Variants in HEATR1 observed in about 807,000 individuals in gnomAD.
HEATR1 encodes the protein HEAT repeat containing 1, also known as HEAT repeat-containing protein 1.
A neutral mutation model predicts 248.2 loss-of-function variants in HEATR1; 77 were observed. That is an observed-to-expected ratio of 0.31 (90% CI 0.26 to 0.37). HEATR1 has a LOEUF of 0.37. Ranked by LOEUF, HEATR1 falls within the 10% of genes least tolerant of loss-of-function variation. The probability of loss-of-function intolerance (pLI) is 1.00; values close to 1 mark genes in which losing one functional copy is unlikely to be tolerated. For missense variants in HEATR1, 2,420 were observed against 2,504.9 expected, an observed-to-expected ratio of 0.97 and a Z score of 0.72; for synonymous variants, 897 against 923.1, an observed-to-expected ratio of 0.97 and a Z score of 0.51.
At chr1:236,564,470 T>C (rs776759800) in intron 32 of HEATR1, 28 bp downstream of exon 32, 1 of 1,603,710 alleles carries the variant, frequency 6.2e-7, no homozygotes, top group Non-Finnish European at 8.5e-7. Context: ...GAATACCTTT[T>C]TATAAACACA....
intron 3 of HEATR1, 123 bp downstream of exon 3, chr1:236,603,037 C>T: frequency 3.0e-6 from 2 of 663,576 alleles, no homozygotes; most frequent in Non-Finnish European, 5.3e-6. Context: ...ACACAATGGA[C>T]ATTGTATCAA....
chr1:236,568,169 C>T (rs978053350), intron 29 of HEATR1, among the ~76,000 whole-genome samples: 1 of 152,226 alleles, frequency 6.6e-6, no homozygotes, highest in Non-Finnish European at 1.5e-5. Flanking sequence ...GGTACAAATT[C>T]TATTTCTTAT....
chr1:236,559,910 C>T, intron 33 of HEATR1, 73 bp from the exon 34 acceptor site: 1 of 1,409,568 alleles, frequency 7.1e-7, no homozygotes, highest in South Asian at 1.5e-5. Flanking sequence ...CTACCTTATG[C>T]TAAATGTTTC....
At chr1:236,588,810 A>G (rs1045508843) in intron 12 of HEATR1, among the ~76,000 whole-genome samples, 1 of 152,186 alleles carries the variant, frequency 6.6e-6, no homozygotes, top group African/African-American at 2.4e-5. Flanking sequence ...AAATTCACAG[A>G]ATTCACAAAA....
intron 3 of HEATR1, chr1:236,602,773 A>T: frequency 1.1e-5 from 2 of 179,154 alleles, no homozygotes; most frequent in South Asian, 2.3e-4. Context: ...AAAACACAAA[A>T]CTCATCCAGG....
rs780058062 is a variant in HEATR1 at position 236,603,344 on chromosome 1, C to T, written c.175G>A (p.Asp59Asn). 15 of 1,614,054 alleles carry T rather than the reference C, an allele frequency of 9.3e-6. No homozygotes were observed. The highest frequency in any genetic ancestry group is 1.3e-5 in the Non-Finnish European group (15 of 1,180,014). Residue 59 changes from aspartate (D) to asparagine (N), a missense_variant, in exon 3 of 45, where the codon GAT becomes AAT. Coordinates refer to ENST00000366582, the MANE Select transcript of HEATR1 (RefSeq NM_018072.6). ...CTGLEELLGI[D>N]PSFEQFEAPL... ...GCTTCAAACTGCTCAAAGGAAGGATCAATTCCAAGCAACTCTTCCAGGCCA... is the reference window on the plus strand; with the variant it reads ...GCTTCAAACTGCTCAAAGGAAGGATTAATTCCAAGCAACTCTTCCAGGCCA...
chr1:236,590,565 T>C (rs1389600891), intron 12 of HEATR1, among the ~76,000 whole-genome samples: 1 of 152,138 alleles, frequency 6.6e-6, no homozygotes, highest in East Asian at 1.9e-4. Flanking sequence ...TCTCAGATAA[T>C]TAATGAACCT....
chr1:236,564,424 C>T (rs2103129676), intron 32 of HEATR1, 74 bp downstream of exon 32: 1 of 1,332,500 alleles, frequency 7.5e-7, no homozygotes, highest in Admixed American at 2.2e-5. Context: ...TACCAAGCTA[C>T]TTCTACTGGT....
At chr1:236,602,996 G>A in intron 3 of HEATR1, 164 bp downstream of exon 3, 1 of 597,396 alleles carries the variant, frequency 1.7e-6, no homozygotes, top group Non-Finnish European at 3.0e-6. Flanking sequence ...CAACAAAAAA[G>A]AATTTAAAGG....
chr1:236,592,655 T>C, intron 9 of HEATR1, 22 bp from the exon 10 acceptor site: 1 of 942,712 alleles, frequency 1.1e-6, no homozygotes, highest in Non-Finnish European at 1.7e-6. Flanking sequence ...AAAACAGAAA[T>C]ATCAGCATAC....
At chr1:236,588,213 C>T (rs1295551702) in intron 12 of HEATR1, among the ~76,000 whole-genome samples, 170 bp from the exon 13 acceptor site, 3 of 103,492 alleles carry the variant, frequency 2.9e-5, no homozygotes, top group Non-Finnish European at 7.7e-5. Flanking sequence ...CGCTAAAGGG[C>T]CTTTTGAGAT....
chr1:236,580,824 A>ATTTTTTTT lies in HEATR1; in HGVS notation c.2755+390_2755+397dup, dbSNP rs71178327. Among the ~76,000 whole-genome samples, 87 of 126,648 alleles carry ATTTTTTTT rather than the reference A, an allele frequency of 6.9e-4. 2 individuals carry two copies. The highest frequency in any genetic ancestry group is 2.5e-3 in the African/African-American group (80 of 31,600). 83.1% of individuals were successfully genotyped at this position (126,648 alleles called of 152,430 possible). On this transcript the variant is annotated intron_variant, in intron 20 of 44. Coordinates refer to ENST00000366582, the MANE Select transcript of HEATR1 (RefSeq NM_018072.6). ...AAGCCACCTCGCCTGGCCTTTATCG[A>ATTTTTTTT]TTTTTTTTTTTTTTGAGATGGAGTC...
Position 236,595,449 on chromosome 1 carries a change from TA to T in HEATR1, c.1090+90del. On this transcript the variant is annotated intron_variant, in intron 8 of 44. Coordinates refer to ENST00000366582, the MANE Select transcript of HEATR1 (RefSeq NM_018072.6). Reference sequence around the variant, plus strand: ...AAGAACAACTGGAAAACAGAAATTTTAAATATTTTGAAGCTGTTAACCAGGA... The same window carrying T: ...AAGAACAACTGGAAAACAGAAATTTTAATATTTTGAAGCTGTTAACCAGGA... 3 of 1,044,062 alleles carry T rather than the reference TA, an allele frequency of 2.9e-6. No individual in the cohort carries two copies. The East Asian group carries it at 8.3e-5, about 29-fold the overall frequency. The allele number at this position is 1,044,062 out of a possible 1,614,324, so 64.7% of individuals were successfully genotyped here.
intron 30 of HEATR1, 117 bp from the exon 31 acceptor site, chr1:236,566,162 G>A: frequency 1.1e-6 from 1 of 904,530 alleles, no homozygotes; most frequent in Non-Finnish European, 1.6e-6. Flanking sequence ...TATTTAGAGT[G>A]GGTCGAGATC....
At chr1:236,590,982 G>A (rs1384815439) in intron 11 of HEATR1, 28 bp from the exon 12 acceptor site, 1 of 1,156,562 alleles carries the variant, frequency 8.6e-7, no homozygotes, top group Non-Finnish European at 1.2e-6. Context: ...GTTATCAAAT[G>A]ATTTCACTTA....
At chr1:236,569,885 T>C (rs748887833) in intron 28 of HEATR1, among the ~76,000 whole-genome samples, 10 of 152,260 alleles carry the variant, frequency 6.6e-5, no homozygotes, top group Admixed American at 2.0e-4. Context: ...AACCCAAATG[T>C]CCATCAACCG....
chr1:236,557,310 G>A lies in HEATR1; in HGVS notation c.5240C>T (p.Thr1747Ile). The A allele has an allele frequency of 1.9e-6, 3 of 1,614,154 alleles. No homozygotes were observed. Among genetic ancestry groups the A allele is most frequent in the Non-Finnish European group, 2.5e-6 (3 of 1,180,014 alleles). ...MPSLLTTMKN[T>I]SELVSSEVYL... is the part of the protein sequence containing the mutation. ...GACCTCGCTGGAGACCAGCTCGCTG[G>A]TGTTCTTCATTGTTGTCAGCAACGA... Residue 1747 changes from threonine (T) to isoleucine (I), a missense_variant, in exon 37 of 45, where the codon ACC becomes ATC. Transcript: ENST00000366582.
rs1053672496 is a variant in HEATR1, at chr1:236,552,110, G to C, written c.6238-3C>G. The C allele has an allele frequency of 6.3e-7, 1 of 1,587,546 alleles. No individual in the cohort carries two copies. On this transcript the variant is annotated splice_polypyrimidine_tract_variant and splice_region_variant and intron_variant, in intron 43 of 44. Coordinates refer to ENST00000366582, the MANE Select transcript of HEATR1 (RefSeq NM_018072.6). ...GTAATCAAAGCAGCAAATCGAACCT[G>C]AAAGGGATAAAAGAGCAAAGAAATA...
chr1:236,568,885 TAAAAAAAAA>T, intron 29 of HEATR1, 102 bp downstream of exon 29: 1 of 313,712 alleles, frequency 3.2e-6, no homozygotes, highest in South Asian at 7.9e-5. Flanking sequence ...TTGAGGATAT[TAAAAAAAAA>T]AAACAAAAAA....
Sources: gnomAD v4.1 joint callset for allele counts (sites outside exome capture counted in the v4.1 genomes callset) on GRCh38, gnomAD v4.1.1 for gene constraint, MANE v1.5 for transcripts, NCBI Gene and HGNC (gene_info 2026-07-23, HGNC 2026-07-21) for gene names.